Variants in PACS1 observed in about 807,000 individuals in gnomAD.
The protein encoded by PACS1 is PACS-1.
In PACS1, 24 loss-of-function variants were observed where a neutral mutation model predicts 115.0. That is an observed-to-expected ratio of 0.21 (90% CI 0.15 to 0.29). The LOEUF (loss-of-function observed/expected upper bound fraction) is 0.29, where lower values mean the gene tolerates loss of function less well. PACS1 is among the 10% of genes least tolerant of loss of function. PACS1 has a pLI of 1.00. For synonymous variants in PACS1, 453 were observed against 504.5 expected (o/e 0.90, Z 1.37); for missense variants, 838 against 1,251.2 (o/e 0.67, Z 4.98).
Position 66,167,333 on chromosome 11 carries a change from C to CTTTTTTT in PACS1, c.357-26141_357-26135dup, listed in dbSNP as rs762768413. On this transcript the variant is annotated intron_variant, in intron 1 of 23. Coordinates refer to ENST00000320580, the MANE Select transcript of PACS1 (RefSeq NM_018026.4). Reference sequence around the variant, plus strand: ...CTCTGGGTTCATGGCTTTGGCTTGTCTTTTTTTTTTTTTTTTTTGTTGAGA... The same window carrying CTTTTTTT: ...CTCTGGGTTCATGGCTTTGGCTTGTCTTTTTTTTTTTTTTTTTTTTTTTTTGTTGAGA... Among the ~76,000 whole-genome samples, 6 of 101,136 alleles carry CTTTTTTT rather than the reference C, an allele frequency of 5.9e-5. 1 individual carries two copies. Among genetic ancestry groups the CTTTTTTT allele is most frequent in the African/African-American group, 8.5e-5 (2 of 23,628 alleles). 66.3% of individuals were successfully genotyped at this position (101,136 alleles called of 152,430 possible). A position where few individuals can be genotyped will look rare whatever the true frequency, so the allele number is the denominator to read the frequency against.
chr11:66,229,471 G>A (rs983208218), intron 11 of PACS1, among the ~76,000 whole-genome samples: 4 of 151,772 alleles, frequency 2.6e-5, no homozygotes, highest in Admixed American at 1.3e-4. Context: ...AGGCCGAGGC[G>A]GGCGGATCAC....
chr11:66,185,785 C>T (rs1215341660), intron 1 of PACS1, among the ~76,000 whole-genome samples: 1 of 152,076 alleles, frequency 6.6e-6, no homozygotes, highest in Non-Finnish European at 1.5e-5. Context: ...AGGGCACTGC[C>T]CTTTAAAATG....
At chr11:66,146,097 T>G (rs904090490) in intron 1 of PACS1, among the ~76,000 whole-genome samples, 2 of 152,138 alleles carry the variant, frequency 1.3e-5, no homozygotes, top group Non-Finnish European at 2.9e-5. Flanking sequence ...TGGTTATGTC[T>G]GTAAGGAATG....
chr11:66,238,690 G>A (rs1016604358), intron 19 of PACS1, 114 bp from the exon 20 acceptor site: 19 of 990,716 alleles, frequency 1.9e-5, no homozygotes, highest in South Asian at 4.2e-5. Context: ...TTTTAAAGTC[G>A]GCAATAAAAT....
chr11:66,086,096 T>A (rs1857561495), intron 1 of PACS1, among the ~76,000 whole-genome samples: 1 of 151,990 alleles, frequency 6.6e-6, no homozygotes, highest in Non-Finnish European at 1.5e-5. Context: ...CCTGGAAAAT[T>A]TAGTGTATAT....
At chr11:66,225,824 A>G (rs1284918087) in intron 10 of PACS1, among the ~76,000 whole-genome samples, 1 of 152,200 alleles carries the variant, frequency 6.6e-6, no homozygotes, top group Non-Finnish European at 1.5e-5. Context: ...GAGTGAAATT[A>G]TCTCTAGTCT....
rs180676250 is a variant in PACS1 at position 66,243,527 on chromosome 11, G to A, written c.*247G>A. 4.0e-4 allele frequency: 212 copies of A among 535,734 alleles called. No homozygotes were observed. Among genetic ancestry groups the A allele is most frequent in the African/African-American group, 3.0e-3 (160 of 52,580 alleles). 33.2% of individuals were successfully genotyped at this position (535,734 alleles called of 1,614,324 possible). A position where few individuals can be genotyped will look rare whatever the true frequency, so the allele number is the denominator to read the frequency against. On this transcript the variant is annotated 3_prime_UTR_variant, in exon 24 of 24. Transcript: ENST00000320580. ...CTCCCTCCTGCTCCAGGCCCAAGGC[G>A]TGTTGGTTTTGCCTTCTGGTGCCCA...
rs532573835 is a variant in PACS1, at chr11:66,231,410, G to A, written c.1626+470G>A. ...ACAATATTAAACTGTTTCAATGGAA[G>A]GACCCGAGAGTGGGCTGGAGAAGAA... On this transcript the variant is annotated intron_variant, in intron 13 of 23. Coordinates refer to ENST00000320580, the MANE Select transcript of PACS1 (RefSeq NM_018026.4). 3.1e-4 allele frequency among the ~76,000 whole-genome samples: 47 copies of A among 152,334 alleles called. 1 individual carries two copies. The highest frequency in any genetic ancestry group is 1.0e-3 in the African/African-American group (42 of 41,574).
intron 1 of PACS1, among the ~76,000 whole-genome samples, chr11:66,144,791 G>C (rs1023106100): frequency 6.6e-6 from 1 of 152,048 alleles, no homozygotes; most frequent in Non-Finnish European, 1.5e-5. Context: ...GCACCACGAC[G>C]CCCAGCTAAT....
chr11:66,232,360 T>C, intron 14 of PACS1, 84 bp downstream of exon 14: 6 of 773,230 alleles, frequency 7.8e-6, no homozygotes, highest in Middle Eastern at 3.3e-4. Flanking sequence ...CTCCATACTA[T>C]TGCGTGGGGA....
intron 2 of PACS1, among the ~76,000 whole-genome samples, chr11:66,205,043 G>A (rs1333567181): frequency 2.0e-5 from 3 of 151,716 alleles, no homozygotes; most frequent in African/African-American, 7.3e-5. Flanking sequence ...GCAGTGCAAT[G>A]GCGCAATCTC....
intron 2 of PACS1, among the ~76,000 whole-genome samples, chr11:66,200,651 A>G (rs887657689): frequency 1.1e-4 from 17 of 152,194 alleles, no homozygotes; most frequent in African/African-American, 4.1e-4. Flanking sequence ...AGATATATAA[A>G]GCAAATATTA....
chr11:66,198,169 C>G (rs949379799), intron 2 of PACS1, among the ~76,000 whole-genome samples: 1 of 152,260 alleles, frequency 6.6e-6, no homozygotes, highest in Non-Finnish European at 1.5e-5. Flanking sequence ...CTCGCCTTGA[C>G]CTCCCAGTGC....
Position 66,129,250 on chromosome 11 carries a change from G to A in PACS1, c.356+58408G>A. On this transcript the variant is annotated intron_variant, in intron 1 of 23. Coordinates refer to ENST00000320580, the MANE Select transcript of PACS1 (RefSeq NM_018026.4). ...AGTTCAAAACCAGCCTGACCAAGAT[G>A]GTGAAACCCTGTCTCTACTGAAAAT... Among the ~76,000 whole-genome samples, 2 of 151,796 alleles carry A rather than the reference G, an allele frequency of 1.3e-5. 1 individual carries two copies. The highest frequency in any genetic ancestry group is 1.3e-4 in the Admixed American group (2 of 15,210).
chr11:66,131,706 T>G (rs1212689797), intron 1 of PACS1, among the ~76,000 whole-genome samples: 1 of 151,974 alleles, frequency 6.6e-6, no homozygotes, highest in African/African-American at 2.4e-5. Context: ...GGTGGAAGGA[T>G]TGCTTGAAGC....
intron 1 of PACS1, among the ~76,000 whole-genome samples, chr11:66,171,259 ATAT>A (rs1235520403): frequency 6.7e-6 from 1 of 150,252 alleles, no homozygotes; most frequent in Non-Finnish European, 1.5e-5. Context: ...ATTTTGTCTA[ATAT>A]TATCTATTCC....
Position 66,106,444 on chromosome 11 carries a change from T to G in PACS1, c.356+35602T>G, listed in dbSNP as rs187252848. On this transcript the variant is annotated intron_variant, in intron 1 of 23. Coordinates refer to ENST00000320580, the MANE Select transcript of PACS1 (RefSeq NM_018026.4). ...AAAATTAGCCGGGCGTGGTGACACG[T>G]ACCTGTAATCCCAGCTACCTGGAAG... Among the ~76,000 whole-genome samples the G allele has an allele frequency of 1.8e-4, 28 of 152,120 alleles. 1 individual carries two copies. The East Asian group carries it at 5.2e-3, about 28-fold the overall frequency.
At chr11:66,211,332 T>C in intron 4 of PACS1, 73 bp downstream of exon 4, 1 of 1,521,252 alleles carries the variant, frequency 6.6e-7, no homozygotes, top group Non-Finnish European at 8.9e-7. Context: ...GCCCAGCCAG[T>C]TGAGCCTTCC....
chr11:66,173,446 G>A (rs1486250179), intron 1 of PACS1, among the ~76,000 whole-genome samples: 4 of 151,964 alleles, frequency 2.6e-5, no homozygotes, highest in South Asian at 2.1e-4. Context: ...AGTGGCTCAC[G>A]CCTGTAATCC....
Sources: allele counts gnomAD v4.1 joint callset (sites outside exome capture counted in the v4.1 genomes callset), GRCh38; gene constraint gnomAD v4.1.1; transcripts MANE v1.5; gene names NCBI Gene and HGNC (gene_info 2026-07-23, HGNC 2026-07-21).